ZMYM2: variants seen among roughly 807,000 people sequenced by gnomAD.
ZMYM2 encodes zinc finger MYM-type protein 2.
ZMYM2 carries 56 observed loss-of-function variants against 162.8 expected under a neutral mutation model. The ratio of observed to expected loss-of-function variants is 0.34; its 90% CI spans 0.28 to 0.43. ZMYM2 has a LOEUF of 0.43. Among genes scored for constraint, ZMYM2 ranks in the 20% least tolerant of loss-of-function variants. The pLI, the probability that ZMYM2 is intolerant of heterozygous loss-of-function variation, is 1.00. For missense variants in ZMYM2, 1,275 were observed against 1,621.8 expected (o/e 0.79, Z 3.67); for synonymous variants, 510 against 541.6 (o/e 0.94, Z 0.81).
At chr13:20,045,911 G>A (rs1207105813) in intron 12 of ZMYM2, among the ~76,000 whole-genome samples, 1 of 151,588 alleles carries the variant, frequency 6.6e-6, no homozygotes, top group Non-Finnish European at 1.5e-5. Context: ...TCTCTGTTTG[G>A]CTTCTTTCTT....
the ZMYM2 span, among the ~76,000 whole-genome samples, chr13:19,949,301 C>T: frequency 9.9e-5 from 15 of 152,014 alleles, no homozygotes; most frequent in East Asian, 1.8e-3. Context: ...CTAGCTATTC[C>T]GGAGGCTGAG....
intron 3 of ZMYM2, among the ~76,000 whole-genome samples, chr13:19,999,152 C>T (rs986100972): frequency 1.3e-5 from 2 of 152,162 alleles, no homozygotes; most frequent in African/African-American, 4.8e-5. Flanking sequence ...TGTGCTGAAC[C>T]TTTGCAGTGG....
the ZMYM2 span, among the ~76,000 whole-genome samples, chr13:19,924,471 G>A: frequency 6.6e-6 from 1 of 151,512 alleles, no homozygotes; most frequent in Non-Finnish European, 1.5e-5. Context: ...GGGAGGCTGA[G>A]GTGAAAGGAT....
At chr13:19,896,409 G>A in the ZMYM2 span, among the ~76,000 whole-genome samples, 4 of 150,932 alleles carry the variant, frequency 2.7e-5, no homozygotes, top group Admixed American at 1.3e-4. Flanking sequence ...CTCACAAAGT[G>A]TTGGGATTAC....
chr13:19,918,689 AG>A, the ZMYM2 span, among the ~76,000 whole-genome samples: 1 of 151,516 alleles, frequency 6.6e-6, no homozygotes, highest in Non-Finnish European at 1.5e-5. Context: ...TAGTAGAGAC[AG>A]GTTTCATCAT....
chr13:19,947,022 A>AT, the ZMYM2 span, among the ~76,000 whole-genome samples: 6 of 151,134 alleles, frequency 4.0e-5, no homozygotes, highest in African/African-American at 1.5e-4. Context: ...TCAATTTTTT[A>AT]TTTTATTTTT....
the ZMYM2 span, among the ~76,000 whole-genome samples, chr13:19,926,515 C>T: frequency 6.6e-6 from 1 of 151,574 alleles, no homozygotes; most frequent in East Asian, 2.0e-4. Context: ...GGGCATGGGC[C>T]CCCAAGCCCA....
intron 2 of ZMYM2, among the ~76,000 whole-genome samples, chr13:19,978,154 G>C (rs1002430248): frequency 2.6e-5 from 4 of 152,108 alleles, no homozygotes; most frequent in African/African-American, 9.7e-5. Flanking sequence ...TGGGATTACA[G>C]GTGTGAGCCA....
chr13:20,078,257 TTTATA>T (rs747503309), intron 21 of ZMYM2, among the ~76,000 whole-genome samples: 33 of 152,306 alleles, frequency 2.2e-4, no homozygotes, highest in Non-Finnish European at 3.7e-4. Flanking sequence ...GGTGGATTAT[TTTATA>T]TTATTATTAA....
intron 2 of ZMYM2, among the ~76,000 whole-genome samples, chr13:19,967,171 T>A (rs868483933): frequency 6.6e-6 from 1 of 152,164 alleles, no homozygotes; most frequent in African/African-American, 2.4e-5. Context: ...TTGCTTTTTT[T>A]AAAAAAAGAG....
At chr13:20,051,939 T>C (rs1036294280) in intron 13 of ZMYM2, among the ~76,000 whole-genome samples, 3 of 152,098 alleles carry the variant, frequency 2.0e-5, no homozygotes, top group Admixed American at 2.0e-4. Flanking sequence ...CAAATCGTAT[T>C]GCTAGGGAGT....
chr13:19,915,430 TCTTTCTTTCTTC>T, the ZMYM2 span, among the ~76,000 whole-genome samples: 1 of 151,866 alleles, frequency 6.6e-6, no homozygotes, highest in Non-Finnish European at 1.5e-5. Context: ...TTTCTTTCTT[TCTTTCTTTCTTC>T]CTTTCTTTCT....
At chr13:19,991,676 G>T (rs1214066424) in intron 2 of ZMYM2, among the ~76,000 whole-genome samples, 2 of 149,496 alleles carry the variant, frequency 1.3e-5, no homozygotes, top group Non-Finnish European at 3.0e-5. Context: ...TGTAGCTCAG[G>T]CTGGAGTGCA....
intron 2 of ZMYM2, among the ~76,000 whole-genome samples, chr13:19,963,391 CACTT>C (rs750342855): frequency 6.6e-6 from 1 of 152,182 alleles, no homozygotes; most frequent in Non-Finnish European, 1.5e-5. Context: ...CAATATATAA[CACTT>C]ACAAAGTTGT....
chr13:19,896,630 G>A, the ZMYM2 span, among the ~76,000 whole-genome samples: 51 of 150,810 alleles, frequency 3.4e-4, no homozygotes, highest in Middle Eastern at 0.014. Context: ...GGTGGAGGGC[G>A]CCTGTAGTCC....
intron 5 of ZMYM2, among the ~76,000 whole-genome samples, chr13:20,005,800 A>G (rs955700012): frequency 6.6e-6 from 1 of 152,204 alleles, no homozygotes; most frequent in Non-Finnish European, 1.5e-5. Context: ...GAAGTTTAAT[A>G]TCACCACTAC....
intron 9 of ZMYM2, among the ~76,000 whole-genome samples, chr13:20,028,573 T>C (rs1566337241): frequency 6.6e-6 from 1 of 152,180 alleles, no homozygotes; most frequent in Non-Finnish European, 1.5e-5. Context: ...GGGCAAGTGG[T>C]ACCAGGACCT....
At chr13:20,066,545 G>A (rs1956691195) in intron 19 of ZMYM2, 1 of 230,100 alleles carries the variant, frequency 4.3e-6, no homozygotes, top group Non-Finnish European at 8.3e-6. Flanking sequence ...ATATGGGAGA[G>A]AAAATATATT....
At position 20,082,900 on chromosome 13, in the gene ZMYM2, A is replaced by C; in HGVS notation, c.3688A>C (p.Lys1230Gln). Residue 1230 changes from lysine to glutamine, a missense_variant, in exon 23 of 25, where the codon AAA (lysine) becomes CAA (glutamine). Coordinates refer to ENST00000610343, the MANE Select transcript of ZMYM2 (RefSeq NM_197968.4). The part of the protein sequence containing the change: ...FYFNTKYFGL[K>Q]TVEQHLRLSF... Reference sequence around the variant, plus strand: ...CTTTAACACTAAGTATTTTGGCCTGAAAACAGTGGAACAACACTTAAGACT... The same window carrying C: ...CTTTAACACTAAGTATTTTGGCCTGCAAACAGTGGAACAACACTTAAGACT... 1 of 1,613,956 alleles carries C rather than the reference A, an allele frequency of 6.2e-7. No individual in the cohort carries two copies. The highest frequency in any genetic ancestry group is 8.5e-7 in the Non-Finnish European group (1 of 1,179,868).
Sources: allele counts gnomAD v4.1 joint callset (sites outside exome capture counted in the v4.1 genomes callset), GRCh38; gene constraint gnomAD v4.1.1; transcripts MANE v1.5; gene names NCBI Gene and HGNC (gene_info 2026-07-23, HGNC 2026-07-21).